Variants in KIT observed in about 807,000 individuals in gnomAD.
KIT encodes mast/stem cell growth factor receptor Kit.
In KIT, 16 loss-of-function variants were observed where a neutral mutation model predicts 105.7. The observed-to-expected ratio is 0.15, with a 90% CI of 0.10 to 0.23. KIT has a LOEUF of 0.23. Among genes scored for constraint, KIT ranks in the 10% least tolerant of loss-of-function variants. KIT has a pLI of 1.00. For synonymous variants in KIT, 438 were observed against 441.1 expected (o/e 0.99, Z 0.09); for missense variants, 858 against 1,213.8 (o/e 0.71, Z 4.36).
intron 1 of KIT, among the ~76,000 whole-genome samples, chr4:54,691,243 TA>T (rs1305071452): frequency 1.3e-5 from 2 of 152,212 alleles, no homozygotes; most frequent in East Asian, 3.8e-4. Context: ...ATGTTTTTAT[TA>T]CTGTGCTAGA....
intron 1 of KIT, among the ~76,000 whole-genome samples, chr4:54,664,064 C>CT (rs1383460189): frequency 4.6e-5 from 7 of 152,128 alleles, no homozygotes; most frequent in Admixed American, 1.3e-4. Context: ...AGGAGATGAG[C>CT]TTAAATCTTG....
chr4:54,738,359 G>A (rs1723044722), intron 20 of KIT, 70 bp from the exon 21 acceptor site: 1 of 1,565,100 alleles, frequency 6.4e-7, no homozygotes, highest in Non-Finnish European at 8.8e-7. Context: ...TCTTGACACT[G>A]TAAGTATGCC....
chr4:54,699,412 G>A (rs1479019850), intron 3 of KIT, among the ~76,000 whole-genome samples: 2 of 151,978 alleles, frequency 1.3e-5, no homozygotes, highest in Non-Finnish European at 2.9e-5. Context: ...ATCTCACAGT[G>A]GGCATTTCTG....
chr4:54,726,150 G>A (rs1722205397), intron 9 of KIT, 100 bp downstream of exon 9: 1 of 926,684 alleles, frequency 1.1e-6, no homozygotes, highest in East Asian at 2.6e-5. Context: ...TGTCATTTCT[G>A]GTAATACATG....
chr4:54,721,156 C>G (rs898712727), intron 7 of KIT, among the ~76,000 whole-genome samples: 1 of 152,150 alleles, frequency 6.6e-6, no homozygotes, highest in African/African-American at 2.4e-5. Flanking sequence ...TCGAGAACAT[C>G]GAGTCTGATG....
intron 1 of KIT, among the ~76,000 whole-genome samples, chr4:54,682,940 C>T (rs961932459): frequency 2.0e-5 from 3 of 151,568 alleles, no homozygotes; most frequent in African/African-American, 4.8e-5. Flanking sequence ...TTAGTAGAGA[C>T]GGGGTTTCAC....
Position 54,721,767 on chromosome 4 carries a change from T to C in KIT, c.1232-1817T>C, listed in dbSNP as rs78961650. On this transcript the variant is annotated intron_variant, in intron 7 of 20. Transcript: ENST00000288135. The stretch of plus-strand genomic sequence containing the variant: ...CCTAAGTTTCTGATCTGTCAGTCTT[T>C]CCTTCTCACTGCATATATTTTCCCT... 2.6e-3 allele frequency among the ~76,000 whole-genome samples: 391 copies of C among 152,350 alleles called. 1 individual carries two copies. The highest frequency in any genetic ancestry group is 9.0e-3 in the African/African-American group (373 of 41,588).
intron 5 of KIT, among the ~76,000 whole-genome samples, chr4:54,704,681 A>AT (rs1202005162): frequency 5.9e-5 from 9 of 152,234 alleles, no homozygotes; most frequent in African/African-American, 1.2e-4. Flanking sequence ...TTTGTTTACA[A>AT]TTTTTTTGTC....
rs148823889 is a variant in KIT, at chr4:54,679,860, A to G, written c.68-15652A>G. 2.0e-3 allele frequency among the ~76,000 whole-genome samples: 310 copies of G among 152,356 alleles called. 2 individuals are homozygous for G. Among genetic ancestry groups the G allele is most frequent in the African/African-American group, 7.0e-3 (290 of 41,586 alleles). On this transcript the variant is annotated intron_variant, in intron 1 of 20. Transcript: ENST00000288135. Reference sequence around the variant, plus strand: ...AGGGAAGTCAACTTTTACAAATGATACAACATAGATGAACCTTGCAGACCT... The same window carrying G: ...AGGGAAGTCAACTTTTACAAATGATGCAACATAGATGAACCTTGCAGACCT...
intron 7 of KIT, among the ~76,000 whole-genome samples, chr4:54,721,280 G>A (rs1168663476): frequency 6.6e-6 from 1 of 152,212 alleles, no homozygotes; most frequent in Non-Finnish European, 1.5e-5. Context: ...GCTTAGAAAA[G>A]GAGGTGACAC....
At chr4:54,695,402 T>C in intron 1 of KIT, 110 bp from the exon 2 acceptor site, 1 of 1,124,148 alleles carries the variant, frequency 8.9e-7, no homozygotes, top group South Asian at 1.3e-5. Flanking sequence ...GGCAGCTTTG[T>C]CCTATTTTTA....
intron 4 of KIT, among the ~76,000 whole-genome samples, chr4:54,702,424 A>C (rs1405845978): frequency 1.3e-5 from 2 of 152,128 alleles, no homozygotes; most frequent in Non-Finnish European, 2.9e-5. Flanking sequence ...GACATATTTT[A>C]TATTTACAAC....
chr4:54,731,978 G>A lies in KIT; in HGVS notation c.2341G>A (p.Ala781Thr), dbSNP rs2109795991. The A allele has an allele frequency of 6.8e-6, 11 of 1,613,256 alleles. No individual in the cohort carries two copies. Among genetic ancestry groups the A allele is most frequent in the Non-Finnish European group, 9.3e-6 (11 of 1,179,674 alleles). ...SFSYQVAKGM[A>T]FLASKNCIHR... ...TTCTTACCAGGTGGCAAAGGGCATG[G>A]CTTTCCTCGCCTCCAAGAATGTAAG... Residue 781 changes from alanine (A) to threonine (T), a missense_variant, in exon 16 of 21, where the codon GCT becomes ACT. Around this residue, in one of 7 missense-constraint regions of KIT, gnomAD observed 158 missense variants for 218.7 expected, o/e 0.72. Transcript: ENST00000288135.
chr4:54,680,385 C>CTT (rs756268006), intron 1 of KIT, among the ~76,000 whole-genome samples: 5,946 of 102,534 alleles, frequency 0.058, 560 homozygotes, highest in African/African-American at 0.19. Context: ...TTCATTCGTC[C>CTT]TTTTTTTTTT....
chr4:54,727,143 G>T, intron 9 of KIT, 75 bp from the exon 10 acceptor site: 11 of 1,281,894 alleles, frequency 8.6e-6, no homozygotes, highest in Non-Finnish European at 1.3e-5. Context: ...GGTGGGGTCA[G>T]TTTGGGACTG....
intron 2 of KIT, among the ~76,000 whole-genome samples, chr4:54,697,985 A>G (rs1720185069): frequency 6.6e-6 from 1 of 152,186 alleles, no homozygotes; most frequent in Middle Eastern, 3.2e-3. Context: ...TGCTTTTATG[A>G]CACCGCAGTT....
intron 6 of KIT, among the ~76,000 whole-genome samples, chr4:54,707,618 G>C (rs529463815): frequency 1.3e-5 from 2 of 152,200 alleles, no homozygotes; most frequent in Non-Finnish European, 1.5e-5. Flanking sequence ...AAAAAGGGAA[G>C]TTAGTACCTA....
chr4:54,729,583 G>T, intron 14 of KIT, 98 bp downstream of exon 14: 1 of 1,047,836 alleles, frequency 9.5e-7, no homozygotes, highest in Non-Finnish European at 1.4e-6. Context: ...ATGAACTGAG[G>T]TACTCTGAGG....
intron 1 of KIT, among the ~76,000 whole-genome samples, chr4:54,686,471 A>C (rs1019614959): frequency 2.0e-5 from 3 of 152,236 alleles, no homozygotes; most frequent in Non-Finnish European, 4.4e-5. Flanking sequence ...GGACATGGGA[A>C]TATTACAATG....
Sources: allele counts gnomAD v4.1 joint callset (sites outside exome capture counted in the v4.1 genomes callset), GRCh38; gene constraint gnomAD v4.1.1; regional missense constraint gnomAD v4.1.1; transcripts MANE v1.5; gene names NCBI Gene and HGNC (gene_info 2026-07-23, HGNC 2026-07-21).